KLF12: variants seen among roughly 807,000 people sequenced by gnomAD.
KLF12 encodes Krueppel-like factor 12.
A neutral mutation model predicts 37.8 loss-of-function variants in KLF12; 9 were observed. That is an observed-to-expected ratio of 0.24 (90% CI 0.14 to 0.42). The LOEUF (loss-of-function observed/expected upper bound fraction) is 0.42. KLF12 is among the 10% of genes least tolerant of loss of function. The pLI, the probability that KLF12 is intolerant of heterozygous loss-of-function variation, is 1.00. For synonymous variants in KLF12, 208 were observed against 202.1 expected (o/e 1.03, Z -0.25); for missense variants, 411 against 516.0 (o/e 0.80, Z 1.97).
At chr13:74,263,621 T>A in the KLF12 span, among the ~76,000 whole-genome samples, 3 of 152,178 alleles carry the variant, frequency 2.0e-5, no homozygotes, top group African/African-American at 7.2e-5. Flanking sequence ...AAAGGATGAA[T>A]AGAAGTTCCC....
At chr13:73,885,531 T>C (rs1366639992) in intron 3 of KLF12, among the ~76,000 whole-genome samples, 1 of 152,234 alleles carries the variant, frequency 6.6e-6, no homozygotes, top group Admixed American at 6.5e-5. Flanking sequence ...CTGCAACTGC[T>C]GATCAATGAT....
chr13:74,002,196 C>A (rs1252730749), intron 1 of KLF12, among the ~76,000 whole-genome samples: 1 of 151,880 alleles, frequency 6.6e-6, no homozygotes. Flanking sequence ...CGAATCTGCT[C>A]CTCAACACAC....
chr13:74,262,267 A>G, the KLF12 span, among the ~76,000 whole-genome samples: 1 of 152,240 alleles, frequency 6.6e-6, no homozygotes. Context: ...GGCATCACTC[A>G]TAATTGTAGC....
At chr13:74,156,178 C>T in the KLF12 span, among the ~76,000 whole-genome samples, 107,614 of 152,080 alleles carry the variant, frequency 0.71, 40,206 homozygotes, top group East Asian at 0.9. Context: ...TGAAAATCTC[C>T]CCTGAATATA....
At chr13:73,921,623 T>G (rs928105307) in intron 3 of KLF12, among the ~76,000 whole-genome samples, 1 of 152,138 alleles carries the variant, frequency 6.6e-6, no homozygotes, top group African/African-American at 2.4e-5. Flanking sequence ...TACATATTAA[T>G]GCAAAAATGT....
At chr13:73,892,716 T>A (rs940123688) in intron 3 of KLF12, among the ~76,000 whole-genome samples, 9 of 152,160 alleles carry the variant, frequency 5.9e-5, no homozygotes, top group Admixed American at 5.9e-4. Flanking sequence ...ACATCTAAGT[T>A]ATTCTTTTTA....
chr13:73,752,552 T>C (rs1427711817), intron 6 of KLF12, among the ~76,000 whole-genome samples: 1 of 145,776 alleles, frequency 6.9e-6, no homozygotes, highest in East Asian at 2.0e-4. Flanking sequence ...GTGTCATCCT[T>C]GATTCTTCTC....
chr13:74,087,632 G>A (rs1454646053), intron 1 of KLF12, among the ~76,000 whole-genome samples: 1 of 152,124 alleles, frequency 6.6e-6, no homozygotes, highest in Non-Finnish European at 1.5e-5. Flanking sequence ...TTGAGATCAG[G>A]TTTCTAGCCC....
intron 3 of KLF12, among the ~76,000 whole-genome samples, chr13:73,886,452 CA>C (rs1294042101): frequency 1.3e-5 from 2 of 152,026 alleles, no homozygotes; most frequent in Non-Finnish European, 2.9e-5. Flanking sequence ...GGTGAACAGC[CA>C]TATCAGAAGA....
chr13:74,131,558 GGT>G (rs1381807493), intron 1 of KLF12, among the ~76,000 whole-genome samples: 3 of 152,112 alleles, frequency 2.0e-5, no homozygotes, highest in African/African-American at 7.2e-5. Context: ...GGGAGTGGGA[GGT>G]GGAGAATATT....
chr13:73,881,056 G>C (rs1338665419), intron 3 of KLF12, among the ~76,000 whole-genome samples: 1 of 152,038 alleles, frequency 6.6e-6, no homozygotes, highest in Non-Finnish European at 1.5e-5. Context: ...ATGCTCTCTA[G>C]AGATAACAAA....
intron 1 of KLF12, among the ~76,000 whole-genome samples, chr13:74,058,789 T>C (rs1275310371): frequency 6.6e-6 from 1 of 152,222 alleles, no homozygotes; most frequent in South Asian, 2.1e-4. Context: ...TTGTTGTTCT[T>C]ATTTTCTACT....
intron 1 of KLF12, among the ~76,000 whole-genome samples, chr13:74,041,183 C>G (rs1453778225): frequency 6.6e-6 from 1 of 152,198 alleles, no homozygotes; most frequent in South Asian, 2.1e-4. Context: ...TCACAGAAAT[C>G]CCACCTCCTT....
intron 5 of KLF12, among the ~76,000 whole-genome samples, chr13:73,770,161 T>C (rs1258594239): frequency 6.6e-6 from 1 of 152,200 alleles, no homozygotes; most frequent in Non-Finnish European, 1.5e-5. Context: ...TATCAGAATT[T>C]TCCTATGCAG....
chr13:73,751,404 G>C (rs1168535631), intron 6 of KLF12, among the ~76,000 whole-genome samples: 2 of 152,104 alleles, frequency 1.3e-5, no homozygotes, highest in Non-Finnish European at 2.9e-5. Flanking sequence ...GCCAACATCT[G>C]TTGACTTTTT....
intron 1 of KLF12, among the ~76,000 whole-genome samples, chr13:74,103,863 T>C (rs1402250598): frequency 2.0e-5 from 3 of 152,210 alleles, no homozygotes; most frequent in African/African-American, 4.8e-5. Context: ...CCTACTTTAT[T>C]ATAGCATCAG....
chr13:74,242,195 T>C, the KLF12 span, among the ~76,000 whole-genome samples: 1 of 152,274 alleles, frequency 6.6e-6, no homozygotes, highest in African/African-American at 2.4e-5. Flanking sequence ...GATGGACTTT[T>C]ATTTCTGAAA....
At chr13:73,731,709 G>T (rs977168493) in intron 6 of KLF12, among the ~76,000 whole-genome samples, 2 of 152,096 alleles carry the variant, frequency 1.3e-5, no homozygotes, top group Non-Finnish European at 2.9e-5. Context: ...ACCTCAAAGA[G>T]ATGCACTTAA....
intron 2 of KLF12, among the ~76,000 whole-genome samples, chr13:73,984,705 C>T (rs967575838): frequency 1.3e-5 from 2 of 152,312 alleles, no homozygotes; most frequent in East Asian, 1.9e-4. Flanking sequence ...TATTCGGCAC[C>T]TTTCCCCTCA....
Sources: gnomAD v4.1 joint callset for allele counts (sites outside exome capture counted in the v4.1 genomes callset) on GRCh38, gnomAD v4.1.1 for gene constraint, MANE v1.5 for transcripts, NCBI Gene and HGNC (gene_info 2026-07-23, HGNC 2026-07-21) for gene names.